The following CAB39L variants were observed in gnomAD, a reference collection of about 807,000 sequenced individuals.
The protein encoded by CAB39L is calcium binding protein 39 like.
A neutral mutation model predicts 39.1 loss-of-function variants in CAB39L; 23 were observed. The observed-to-expected ratio is 0.59, with a 90% CI of 0.42 to 0.83. The LOEUF is 0.83. Ranked by LOEUF, CAB39L falls within the 40% of genes least tolerant of loss-of-function variation. The pLI, the probability that CAB39L is intolerant of heterozygous loss-of-function variation, is 0.00. For missense variants in CAB39L, 366 were observed against 391.9 expected, an observed-to-expected ratio of 0.93 and a Z score of 0.56; for synonymous variants, 126 against 137.2, an observed-to-expected ratio of 0.92 and a Z score of 0.57.
At chr13:49,378,653 G>T (rs1197894234) in intron 4 of CAB39L, among the ~76,000 whole-genome samples, 1 of 58,032 alleles carries the variant, frequency 1.7e-5, no homozygotes, top group Non-Finnish European at 3.4e-5. Flanking sequence ...CTGCCTGGCC[G>T]CCCCTACTGG....
At chr13:49,363,234 CTT>C (rs1955679883) in intron 5 of CAB39L, among the ~76,000 whole-genome samples, 1 of 152,144 alleles carries the variant, frequency 6.6e-6, no homozygotes, top group Non-Finnish European at 1.5e-5. Flanking sequence ...GTAAACTACT[CTT>C]GTCTTAAGGA....
intron 7 of CAB39L, among the ~76,000 whole-genome samples, chr13:49,348,138 G>A (rs1277786467): frequency 6.6e-6 from 1 of 152,094 alleles, no homozygotes; most frequent in Non-Finnish European, 1.5e-5. Flanking sequence ...AAACCCGGAC[G>A]CTAGAGGCCT....
intron 3 of CAB39L, among the ~76,000 whole-genome samples, chr13:49,429,224 T>C (rs781668035): frequency 9.2e-5 from 14 of 152,196 alleles, no homozygotes; most frequent in Non-Finnish European, 2.1e-4. Context: ...ACCTTCCTAG[T>C]AGCTGGCCCT....
At chr13:49,394,377 T>C (rs1293228904) in intron 3 of CAB39L, among the ~76,000 whole-genome samples, 8 of 152,078 alleles carry the variant, frequency 5.3e-5, no homozygotes, top group Non-Finnish European at 1.0e-4. Flanking sequence ...TTTTTTGTTG[T>C]TTTGACAAAC....
chr13:49,316,108 C>A (rs1593892660), intron 10 of CAB39L, among the ~76,000 whole-genome samples: 1 of 152,066 alleles, frequency 6.6e-6, no homozygotes, highest in African/African-American at 2.4e-5. Flanking sequence ...AATTGATAAA[C>A]CTTTAGCTAG....
intron 7 of CAB39L, among the ~76,000 whole-genome samples, chr13:49,347,942 CA>C (rs1955229345): frequency 6.6e-6 from 1 of 152,012 alleles, no homozygotes; most frequent in Non-Finnish European, 1.5e-5. Flanking sequence ...TCCCATTCTT[CA>C]TACTCCGCCT....
At chr13:49,441,719 T>C (rs897992240) in intron 1 of CAB39L, among the ~76,000 whole-genome samples, 4 of 152,226 alleles carry the variant, frequency 2.6e-5, no homozygotes, top group Admixed American at 2.6e-4. Flanking sequence ...ATATAGGTTT[T>C]CATTTCACTT....
In CAB39L at chr13:49,310,804, G is replaced by A. The variant is rs116311293; in HGVS notation, c.*10C>T. 1,360 of 1,612,656 alleles carry A rather than the reference G, an allele frequency of 8.4e-4. 13 individuals are homozygous for A. In the African/African-American group the frequency reaches 0.017, roughly 20 times the overall value. On this transcript the variant is annotated 3_prime_UTR_variant, in exon 11 of 11. Coordinates refer to ENST00000409308, the MANE Select transcript of CAB39L (RefSeq NM_001079670.3). ...GAGACGACTGACTGTGACAGGGGCC[G>A]GGGAGCTCTTCAAGGGGCCGTTTTC...
At chr13:49,317,350 C>CA (rs1272911715) in intron 10 of CAB39L, among the ~76,000 whole-genome samples, 1 of 144,034 alleles carries the variant, frequency 6.9e-6, no homozygotes, top group East Asian at 1.9e-4. Flanking sequence ...GGGAACATGG[C>CA]GAAACCCCCT....
intron 5 of CAB39L, among the ~76,000 whole-genome samples, chr13:49,368,038 T>G (rs1254036747): frequency 6.6e-6 from 1 of 152,192 alleles, no homozygotes; most frequent in Non-Finnish European, 1.5e-5. Context: ...GATTTTAAAA[T>G]GAAAGAAATC....
chr13:49,374,185 G>A (rs566619174), intron 5 of CAB39L, among the ~76,000 whole-genome samples: 6 of 152,126 alleles, frequency 3.9e-5, no homozygotes, highest in Non-Finnish European at 8.8e-5. Context: ...TTCTAGGTAT[G>A]TGTCACGTCA....
At chr13:49,351,149 T>G in intron 6 of CAB39L, 17 of 267,092 alleles carry the variant, frequency 6.4e-5, no homozygotes, top group Non-Finnish European at 7.6e-5. Context: ...TGGTGACAGC[T>G]GGGGGTGGGG....
Position 49,403,952 on chromosome 13 carries a change from T to C in CAB39L, c.-31-21011A>G, listed in dbSNP as rs2138663997. Among the ~76,000 whole-genome samples, 2 of 152,302 alleles carry C rather than the reference T, an allele frequency of 1.3e-5. 1 individual carries two copies. Among genetic ancestry groups the C allele is most frequent in the East Asian group, 3.9e-4 (2 of 5,190 alleles). ...AAAATAAAAATGAACAGAGAATCCCTGAACTATGGGGAAACTTAAAAGAAC... is the reference window on the plus strand; with the variant it reads ...AAAATAAAAATGAACAGAGAATCCCCGAACTATGGGGAAACTTAAAAGAAC... On this transcript the variant is annotated intron_variant, in intron 3 of 10. Transcript: ENST00000409308.
Position 49,359,262 on chromosome 13 carries a change from C to T in CAB39L, c.395+452G>A, listed in dbSNP as rs73186873. Among the ~76,000 whole-genome samples, 1,147 of 152,198 alleles carry T rather than the reference C, an allele frequency of 7.5e-3. 5 individuals carry two copies. The highest frequency in any genetic ancestry group is 0.013 in the Admixed American group (202 of 15,288). On this transcript the variant is annotated intron_variant, in intron 6 of 10. Coordinates refer to ENST00000409308, the MANE Select transcript of CAB39L (RefSeq NM_001079670.3). ...TCAGTTTTATGGCTTCCCTATAGACCCATATACATTCACCTTGGCAGATGC... is the reference window on the plus strand; with the variant it reads ...TCAGTTTTATGGCTTCCCTATAGACTCATATACATTCACCTTGGCAGATGC...
At chr13:49,328,818 T>C (rs914983704) in intron 10 of CAB39L, among the ~76,000 whole-genome samples, 6 of 152,086 alleles carry the variant, frequency 3.9e-5, no homozygotes, top group African/African-American at 1.4e-4. Flanking sequence ...CTGGGCAACA[T>C]AGTGAGACCC....
chr13:49,364,840 G>C (rs1465894415), intron 5 of CAB39L, among the ~76,000 whole-genome samples: 1 of 152,076 alleles, frequency 6.6e-6, no homozygotes, highest in Admixed American at 6.6e-5. Flanking sequence ...TGGATTGAAA[G>C]AAACAATATT....
At chr13:49,336,845 A>G (rs1593935542) in intron 9 of CAB39L, among the ~76,000 whole-genome samples, 3 of 152,322 alleles carry the variant, frequency 2.0e-5, no homozygotes. Flanking sequence ...CCTTATCTTC[A>G]TCTGCTCTTA....
intron 1 of CAB39L, 32 bp from the exon 2 acceptor site, chr13:49,434,255 TTGG>T (rs1370520841): frequency 3.9e-5 from 17 of 436,454 alleles, no homozygotes; most frequent in Non-Finnish European, 7.8e-5. Context: ...AGCACAGGCT[TTGG>T]AGTCACATCA....
chr13:49,364,220 T>C (rs762515327), intron 5 of CAB39L, among the ~76,000 whole-genome samples: 2 of 152,312 alleles, frequency 1.3e-5, no homozygotes, highest in East Asian at 1.9e-4. Context: ...AATACAACAA[T>C]AGCAGATCTT....
Sources: allele counts gnomAD v4.1 joint callset (sites outside exome capture counted in the v4.1 genomes callset), GRCh38; gene constraint gnomAD v4.1.1; transcripts MANE v1.5; gene names NCBI Gene and HGNC (gene_info 2026-07-23, HGNC 2026-07-21).